ACSM1: variants seen among roughly 807,000 people sequenced by gnomAD.
ACSM1 encodes the protein acyl-CoA synthetase medium chain family member 1.
A neutral mutation model predicts 75.8 loss-of-function variants in ACSM1; 79 were observed. The observed-to-expected ratio is 1.04, with a 90% CI of 0.87 to 1.26. ACSM1 has a LOEUF of 1.26. Ranked by LOEUF, ACSM1 falls within the 50% of genes most tolerant of loss-of-function variation. The probability of loss-of-function intolerance (pLI) is 0.00; values close to 1 mark genes in which losing one functional copy is unlikely to be tolerated. For synonymous variants in ACSM1, 279 were observed against 265.8 expected, an observed-to-expected ratio of 1.05 and a Z score of -0.48; for missense variants, 676 against 720.1, an observed-to-expected ratio of 0.94 and a Z score of 0.70.
intron 7 of ACSM1, among the ~76,000 whole-genome samples, chr16:20,651,656 A>G (rs965756171): frequency 5.9e-5 from 9 of 151,990 alleles, no homozygotes; most frequent in African/African-American, 2.2e-4. Flanking sequence ...ATAAAATACT[A>G]TATATATACA....
intron 8 of ACSM1, among the ~76,000 whole-genome samples, chr16:20,639,591 A>G (rs2017928869): frequency 6.6e-6 from 1 of 152,204 alleles, no homozygotes; most frequent in Admixed American, 6.5e-5. Context: ...GGTTTTGTCC[A>G]AGAGTTTTAA....
chr16:20,654,687 A>C (rs922886396), intron 7 of ACSM1, among the ~76,000 whole-genome samples: 3 of 152,246 alleles, frequency 2.0e-5, no homozygotes, highest in Non-Finnish European at 4.4e-5. Context: ...ACTGCAAATC[A>C]AAACCACAAT....
chr16:20,679,300 G>A (rs202056369), intron 4 of ACSM1: 1 of 152,262 alleles, frequency 6.6e-6, no homozygotes, highest in South Asian at 2.1e-4. Context: ...CCACCAGTAA[G>A]AAGGACAACT....
intron 3 of ACSM1, among the ~76,000 whole-genome samples, chr16:20,683,549 A>G (rs560423402): frequency 4.7e-5 from 7 of 150,382 alleles, no homozygotes; most frequent in Non-Finnish European, 3.0e-5. Flanking sequence ...CTTATTTTCT[A>G]TTTCAAAATG....
At chr16:20,661,284 T>C (rs1217174062) in intron 7 of ACSM1, among the ~76,000 whole-genome samples, 1 of 152,184 alleles carries the variant, frequency 6.6e-6, no homozygotes, top group African/African-American at 2.4e-5. Flanking sequence ...ACAATTATTA[T>C]ATAATAATGT....
intron 2 of ACSM1, 43 bp from the exon 3 acceptor site, chr16:20,685,446 A>G (rs765191306): frequency 1.1e-5 from 18 of 1,582,662 alleles, no homozygotes; most frequent in Middle Eastern, 1.7e-4. Flanking sequence ...TGCTTCAAAG[A>G]AAAAGGGCAC....
chr16:20,661,459 T>C (rs1173494299), intron 7 of ACSM1, among the ~76,000 whole-genome samples: 3 of 152,176 alleles, frequency 2.0e-5, no homozygotes, highest in African/African-American at 7.2e-5. Context: ...GGCAATGTTA[T>C]GTTTTTTTGA....
Position 20,623,437 on chromosome 16 carries a change from G to A in ACSM1, c.*49C>T. On this transcript the variant is annotated 3_prime_UTR_variant, in exon 14 of 14. Transcript: ENST00000520010. ...CTCACCATAGTGGGGAGACTAAAGTGGCCAGGGATTTGCCTTAGGTGTGCA... is the reference window on the plus strand; with the variant it reads ...CTCACCATAGTGGGGAGACTAAAGTAGCCAGGGATTTGCCTTAGGTGTGCA... 4 of 1,549,998 alleles carry A rather than the reference G, an allele frequency of 2.6e-6. No homozygotes were observed. The highest frequency in any genetic ancestry group is 3.6e-6 in the Non-Finnish European group (4 of 1,122,370).
At position 20,636,824 on chromosome 16, in the gene ACSM1, C is replaced by G. The variant is rs1352983114; in HGVS notation, c.1214G>C (p.Gly405Ala). 6.2e-7 allele frequency: 1 copy of G among 1,613,824 alleles called. No individual in the cohort carries two copies. Residue 405 changes from glycine (G) to alanine (A), a missense_variant, in exon 10 of 14, where the codon GGC (glycine) becomes GCC (alanine). Gly to Ala is a moderately conservative substitution (Grantham distance 60). Transcript: ENST00000520010. ...TTCTGTGTTAGGTGGCAGGATGCTG[C>G]CCTTGTCATCAATGACCTGTAGCAA... is the stretch of plus-strand genomic sequence containing the variant. ...PYDVQVIDDK[G>A]SILPPNTEGN...
intron 6 of ACSM1, among the ~76,000 whole-genome samples, chr16:20,665,514 A>C (rs1346611366): frequency 6.6e-6 from 1 of 152,114 alleles, no homozygotes; most frequent in Non-Finnish European, 1.5e-5. Context: ...ACTAATCCCA[A>C]AAAGCCCTGG....
chr16:20,625,670 C>A, intron 11 of ACSM1, 148 bp from the exon 12 acceptor site: 1 of 656,358 alleles, frequency 1.5e-6, no homozygotes. Context: ...GTCATGGGCC[C>A]AAAGTGTAAA....
chr16:20,669,483 C>CACACACACACA (rs2019767882), intron 6 of ACSM1, among the ~76,000 whole-genome samples: 3 of 149,558 alleles, frequency 2.0e-5, no homozygotes, highest in African/African-American at 7.5e-5. Flanking sequence ...CACACACACA[C>CACACACACACA]CCCAGCTGCT....
Position 20,687,675 on chromosome 16 carries a change from G to A in ACSM1, c.193-2272C>T, listed in dbSNP as rs74479874. ...ACTAGGCAAAGATTTTAAATCAATT[G>A]TCTTAAATATGCTCAAAGAGCTAAA... On this transcript the variant is annotated intron_variant, in intron 2 of 13. Coordinates refer to ENST00000520010, the MANE Select transcript of ACSM1 (RefSeq NM_001318890.3). 4.0e-3 allele frequency among the ~76,000 whole-genome samples: 603 copies of A among 152,178 alleles called. 3 individuals are homozygous for A. The highest frequency in any genetic ancestry group is 0.013 in the African/African-American group (559 of 41,516).
At chr16:20,647,786 T>A (rs2018442719) in intron 7 of ACSM1, among the ~76,000 whole-genome samples, 1 of 152,210 alleles carries the variant, frequency 6.6e-6, no homozygotes, top group Non-Finnish European at 1.5e-5. Flanking sequence ...AGGGCTTGCA[T>A]GTCTGACATA....
intron 4 of ACSM1, chr16:20,681,545 A>T (rs2079445907): frequency 6.6e-6 from 1 of 152,102 alleles, no homozygotes; most frequent in Non-Finnish European, 1.5e-5. Context: ...ACCCCTGTTT[A>T]TTAGGAGGAT....
chr16:20,635,919 G>A (rs2017680150), intron 10 of ACSM1, among the ~76,000 whole-genome samples: 1 of 152,134 alleles, frequency 6.6e-6, no homozygotes, highest in African/African-American at 2.4e-5. Flanking sequence ...GATTACAAGT[G>A]TGAGCCACCC....
chr16:20,623,641 C>T (rs1478914937), intron 13 of ACSM1, 69 bp from the exon 14 acceptor site: 1 of 1,438,620 alleles, frequency 7.0e-7, no homozygotes, highest in East Asian at 2.3e-5. Context: ...TCTCCACTCT[C>T]CTCCTCTGCC....
chr16:20,631,970 C>T (rs180787213), intron 10 of ACSM1, among the ~76,000 whole-genome samples: 19 of 152,130 alleles, frequency 1.2e-4, no homozygotes, highest in Non-Finnish European at 2.4e-4. Context: ...AGCCAACAAC[C>T]ACCTGTACCC....
At chr16:20,660,211 C>T (rs1243964913) in intron 7 of ACSM1, among the ~76,000 whole-genome samples, 1 of 152,130 alleles carries the variant, frequency 6.6e-6, no homozygotes, top group Non-Finnish European at 1.5e-5. Context: ...CCCTTTTTCC[C>T]ATGAAATTTT....
Sources: gnomAD v4.1 joint callset for allele counts (sites outside exome capture counted in the v4.1 genomes callset) on GRCh38, gnomAD v4.1.1 for gene constraint, MANE v1.5 for transcripts, NCBI Gene and HGNC (gene_info 2026-07-23, HGNC 2026-07-21) for gene names.